The following CHD2 variants were observed in gnomAD, a reference collection of about 807,000 sequenced individuals.
The protein encoded by CHD2 is chromodomain helicase DNA binding protein 2.
CHD2 carries 28 observed loss-of-function variants against 243.9 expected under a neutral mutation model. The ratio of observed to expected loss-of-function variants is 0.11; its 90% CI spans 0.09 to 0.16. The LOEUF (loss-of-function observed/expected upper bound fraction) is 0.16, where lower values mean the gene tolerates loss of function less well. CHD2 is among the 10% of genes least tolerant of loss of function. CHD2 has a pLI of 1.00. For missense variants in CHD2, 1,386 were observed against 2,209.8 expected (o/e 0.63, Z 7.47); for synonymous variants, 775 against 779.0 (o/e 0.99, Z 0.09).
chr15:92,904,714 C>A (rs2052587137), intron 2 of CHD2: 1 of 1,396,226 alleles, frequency 7.2e-7, no homozygotes, highest in African/African-American at 1.5e-5. Context: ...ATTTGGAAAT[C>A]TTAAAATAGA....
chr15:93,011,654 C>G (rs2054395877), intron 35 of CHD2, among the ~76,000 whole-genome samples: 1 of 152,198 alleles, frequency 6.6e-6, no homozygotes, highest in African/African-American at 2.4e-5. Flanking sequence ...ACTCCTTTAT[C>G]TGGCTCACTC....
intron 9 of CHD2, chr15:92,943,367 A>G: frequency 3.0e-6 from 1 of 336,946 alleles, no homozygotes; most frequent in Non-Finnish European, 5.6e-6. Context: ...AGATGGGGAG[A>G]ATACGGCACA....
chr15:92,979,527 C>T (rs2053950437), intron 22 of CHD2, among the ~76,000 whole-genome samples: 1 of 152,092 alleles, frequency 6.6e-6, no homozygotes, highest in Non-Finnish European at 1.5e-5. Context: ...TTTGGCTGCT[C>T]ATGTGACATA....
intron 5 of CHD2, among the ~76,000 whole-genome samples, chr15:92,929,636 G>A (rs1033885171): frequency 2.0e-5 from 3 of 151,976 alleles, no homozygotes; most frequent in Non-Finnish European, 2.9e-5. Flanking sequence ...TAAAAAGTTC[G>A]ATTTATATGA....
At chr15:92,909,974 A>G (rs1182208331) in intron 2 of CHD2, among the ~76,000 whole-genome samples, 4 of 147,634 alleles carry the variant, frequency 2.7e-5, no homozygotes, top group Non-Finnish European at 3.0e-5. Context: ...GTGTGTATGT[A>G]TATATGTATA....
Position 92,904,798 on chromosome 15 carries a change from A to G in CHD2, c.62+3499A>G, listed in dbSNP as rs1051428856. The G allele has an allele frequency of 1.0e-5, 15 of 1,468,296 alleles. No homozygotes were observed. The Admixed American group carries it at 3.4e-4, about 34-fold the overall frequency. The allele number at this position is 1,468,296 out of a possible 1,614,324, so 91.0% of individuals were successfully genotyped here. A position where few individuals can be genotyped will look rare whatever the true frequency, so the allele number is the denominator to read the frequency against. On this transcript the variant is annotated intron_variant, in intron 2 of 38. Coordinates refer to ENST00000394196, the MANE Select transcript of CHD2 (RefSeq NM_001271.4). ...CTCCCCGCCCCCGTTCAGTGTGAAG[A>G]GATGAGTGGGTTTAATTTTGTTACA...
At chr15:93,019,862 G>A (rs2054510886) in intron 37 of CHD2, 150 bp from the exon 38 acceptor site, 9 of 934,346 alleles carry the variant, frequency 9.6e-6, no homozygotes, top group South Asian at 1.8e-5. Flanking sequence ...TGACCCAAGA[G>A]ATGGAGATTG....
chr15:92,974,755 C>T (rs1191459628), intron 19 of CHD2, 124 bp from the exon 20 acceptor site: 2 of 780,944 alleles, frequency 2.6e-6, no homozygotes, highest in Non-Finnish European at 4.3e-6. Context: ...TAGCGCTTTG[C>T]CAGTGCTTTG....
intron 38 of CHD2, 27 bp downstream of exon 38, chr15:93,020,285 G>A: frequency 6.2e-7 from 1 of 1,613,854 alleles, no homozygotes; most frequent in Non-Finnish European, 8.5e-7. Flanking sequence ...GAGACACCAG[G>A]TGCCAACCTT....
chr15:93,024,466 G>A lies in CHD2; in HGVS notation c.5248G>A (p.Ala1750Thr), dbSNP rs753595749. 9.3e-6 allele frequency: 15 copies of A among 1,614,036 alleles called. No homozygotes were observed. Among genetic ancestry groups the A allele is most frequent in the Middle Eastern group, 1.6e-4 (1 of 6,084 alleles). The change falls in exon 39 of 39, where the codon GCT (alanine) becomes ACT (threonine). Residue 1750 changes from alanine to threonine, a missense_variant. Coordinates refer to ENST00000394196, the MANE Select transcript of CHD2 (RefSeq NM_001271.4). ...DFRRMSDHRP[A>T]MGYHGQGPSD... ...CCGACGAATGTCTGATCACCGCCCC[G>A]CTATGGGCTACCATGGCCAGGGACC...
At position 92,901,255 on chromosome 15, in the gene CHD2, C is replaced by T; in HGVS notation, c.18C>T (p.Asp6=). The T allele has an allele frequency of 6.2e-7, 1 of 1,602,742 alleles. No individual in the cohort carries two copies. The highest frequency in any genetic ancestry group is 8.5e-7 in the Non-Finnish European group (1 of 1,170,528). The change falls in exon 2 of 39, where the codon GAC becomes GAT. Residue 6 remains aspartate (D), a synonymous_variant. Transcript: ENST00000394196. MMRNK[D]KSQEEDSSLH... is the part of the protein sequence containing the mutation. The stretch of plus-strand genomic sequence containing the variant: ...ATTAAAAGATGATGAGAAATAAGGA[C>T]AAAAGCCAAGAGGAGGACAGTTCGC...
intron 6 of CHD2, 138 bp downstream of exon 6, chr15:92,937,763 C>G (rs2053290019): frequency 1.9e-5 from 12 of 617,056 alleles, no homozygotes; most frequent in Non-Finnish European, 2.7e-5. Context: ...CTGTGGTTCA[C>G]TTTCAGCCAG....
chr15:92,924,723 C>T (rs1273841365), intron 3 of CHD2, among the ~76,000 whole-genome samples, 171 bp downstream of exon 3: 2 of 152,160 alleles, frequency 1.3e-5, no homozygotes, highest in Non-Finnish European at 2.9e-5. Context: ...TCTTTCTGCT[C>T]TATTAAGGAA....
rs1321849349 is a variant in CHD2 at position 92,998,382 on chromosome 15, A to G, written c.3886-117A>G. ...AGATAGGATCTGAGGCTTTATCTAT[A>G]TTTTGGGTGGTTGGGGAGGGAAAGG... On this transcript the variant is annotated intron_variant, in intron 30 of 38. Transcript: ENST00000394196. This position sits in a 1 kb window ranked among gnomAD's most constrained non-coding sequence, Gnocchi z 5.1. 6.8e-7 allele frequency: 1 copy of G among 1,479,478 alleles called. No homozygotes were observed. The highest frequency in any genetic ancestry group is 1.4e-5 in the African/African-American group (1 of 71,174). 91.6% of individuals were successfully genotyped at this position (1,479,478 alleles called of 1,614,324 possible).
chr15:93,010,437 A>T (rs2054377483), intron 35 of CHD2, among the ~76,000 whole-genome samples: 1 of 147,086 alleles, frequency 6.8e-6, no homozygotes, highest in South Asian at 2.1e-4. Flanking sequence ...TTTTTAAATG[A>T]GACAGAGTCT....
At chr15:93,008,234 CTGTGCTCA>C (rs1324372468) in intron 34 of CHD2, among the ~76,000 whole-genome samples, 1 of 152,242 alleles carries the variant, frequency 6.6e-6, no homozygotes, top group African/African-American at 2.4e-5. Flanking sequence ...TCCTGTGTGA[CTGTGCTCA>C]TGTGCTCAGG....
At chr15:92,902,532 T>A in intron 2 of CHD2, 1 of 192,716 alleles carries the variant, frequency 5.2e-6, no homozygotes, top group African/African-American at 2.3e-5. Flanking sequence ...ATATGCTGAA[T>A]TCTATTTATT....
chr15:92,975,026 T>C, intron 20 of CHD2, 76 bp downstream of exon 20: 1 of 1,208,740 alleles, frequency 8.3e-7, no homozygotes, highest in South Asian at 1.3e-5. Flanking sequence ...GCTTAATGTA[T>C]TCTGTTTCAG....
At chr15:92,939,157 ATGCCTGT>A (rs1253706965) in intron 6 of CHD2, among the ~76,000 whole-genome samples, 2 of 151,878 alleles carry the variant, frequency 1.3e-5, no homozygotes, top group Admixed American at 6.6e-5. Flanking sequence ...ATACTTTATT[ATGCCTGT>A]TTAGGTGTAT....
Sources: allele counts gnomAD v4.1 joint callset (sites outside exome capture counted in the v4.1 genomes callset), GRCh38; gene constraint gnomAD v4.1.1; non-coding constraint Gnocchi (gnomAD v3.1); transcripts MANE v1.5; gene names NCBI Gene and HGNC (gene_info 2026-07-23, HGNC 2026-07-21).